Variants in CFAP95 observed in about 807,000 individuals in gnomAD.
The protein encoded by CFAP95 is cilia and flagella associated protein 95.
chr9:69,886,140 A>C, the CFAP95 span, among the ~76,000 whole-genome samples: 3 of 152,132 alleles, frequency 2.0e-5, no homozygotes, highest in African/African-American at 7.2e-5. Flanking sequence ...GCTGTTAGTC[A>C]CTGAGTAGCC....
chr9:69,823,239 G>A, the CFAP95 span, among the ~76,000 whole-genome samples: 2 of 151,356 alleles, frequency 1.3e-5, no homozygotes, highest in Non-Finnish European at 2.9e-5. Context: ...AATCTTTTGA[G>A]AACTCACTCA....
At chr9:69,869,966 A>G in the CFAP95 span, among the ~76,000 whole-genome samples, 1 of 152,186 alleles carries the variant, frequency 6.6e-6, no homozygotes, top group Non-Finnish European at 1.5e-5. Context: ...ATAGTAATGT[A>G]CTATGTATCT....
the CFAP95 span, among the ~76,000 whole-genome samples, chr9:69,832,619 G>GATT: frequency 7.1e-5 from 1 of 14,118 alleles, no homozygotes; most frequent in Non-Finnish European, 1.4e-4. Flanking sequence ...AGTCTATTCG[G>GATT]ATTTTTTTTT....
At chr9:69,873,718 T>A in the CFAP95 span, among the ~76,000 whole-genome samples, 1 of 152,234 alleles carries the variant, frequency 6.6e-6, no homozygotes, top group East Asian at 1.9e-4. Context: ...TCACATGCCC[T>A]TGTTCTGGCT....
chr9:69,892,946 G>C, the CFAP95 span, among the ~76,000 whole-genome samples: 3 of 152,070 alleles, frequency 2.0e-5, no homozygotes, highest in African/African-American at 7.2e-5. Flanking sequence ...CACCATCTTT[G>C]ATTTGTTTGT....
chr9:69,889,144 G>T, the CFAP95 span, among the ~76,000 whole-genome samples: 1 of 152,114 alleles, frequency 6.6e-6, no homozygotes, highest in Non-Finnish European at 1.5e-5. Context: ...TTGTGTGGAG[G>T]CCATAACAGT....
chr9:69,831,110 T>C, the CFAP95 span, among the ~76,000 whole-genome samples: 3 of 152,316 alleles, frequency 2.0e-5, no homozygotes, highest in Admixed American at 2.0e-4. Flanking sequence ...GAGAATTAAT[T>C]GCAGAAATAT....
chr9:69,874,932 C>G, the CFAP95 span, among the ~76,000 whole-genome samples: 1 of 152,182 alleles, frequency 6.6e-6, no homozygotes, highest in Non-Finnish European at 1.5e-5. Context: ...AGCTCTGCTT[C>G]CAGAACCAGG....
At chr9:69,887,619 G>C in the CFAP95 span, among the ~76,000 whole-genome samples, 1 of 152,174 alleles carries the variant, frequency 6.6e-6, no homozygotes, top group Non-Finnish European at 1.5e-5. Context: ...AGTGAGGAAA[G>C]TTTCACCAGG....
chr9:69,846,473 A>G, the CFAP95 span, among the ~76,000 whole-genome samples: 1 of 152,218 alleles, frequency 6.6e-6, no homozygotes, highest in Non-Finnish European at 1.5e-5. Flanking sequence ...TGGAACTGCT[A>G]TTCTCTATCT....
At chr9:69,824,346 C>T in the CFAP95 span, among the ~76,000 whole-genome samples, 1 of 152,174 alleles carries the variant, frequency 6.6e-6, no homozygotes. Flanking sequence ...TAAATTCACC[C>T]ACTTGCTACG....
the CFAP95 span, among the ~76,000 whole-genome samples, chr9:69,822,179 G>A: frequency 2.3e-4 from 35 of 152,118 alleles, no homozygotes; most frequent in African/African-American, 7.2e-4. Context: ...TGGGAGGGGC[G>A]TGAAGAAAAA....
the CFAP95 span, among the ~76,000 whole-genome samples, chr9:69,841,192 A>ATATATATATATATATG: frequency 6.4e-5 from 8 of 124,436 alleles, no homozygotes; most frequent in African/African-American, 2.0e-4. Flanking sequence ...ATATATATAT[A>ATATATATATATATATG]TATATTTCTG....
chr9:69,839,657 C>A, the CFAP95 span, among the ~76,000 whole-genome samples: 4 of 150,594 alleles, frequency 2.7e-5, no homozygotes, highest in African/African-American at 9.7e-5. Flanking sequence ...GAATTCCTGA[C>A]CTCAAGTGAT....
At chr9:69,850,692 A>G in the CFAP95 span, among the ~76,000 whole-genome samples, 3 of 152,220 alleles carry the variant, frequency 2.0e-5, no homozygotes, top group South Asian at 4.1e-4. Context: ...ATGTTTATAA[A>G]TGGAATATTT....
the CFAP95 span, among the ~76,000 whole-genome samples, chr9:69,833,206 A>C: frequency 6.6e-6 from 1 of 152,152 alleles, no homozygotes; most frequent in Non-Finnish European, 1.5e-5. Flanking sequence ...CTCGAGCCAC[A>C]GGCAACCACT....
the CFAP95 span, among the ~76,000 whole-genome samples, chr9:69,843,551 C>T: frequency 2.5e-3 from 42 of 16,938 alleles, 5 homozygotes; most frequent in Admixed American, 3.4e-3. Flanking sequence ...TCCTCCTCCT[C>T]CTCCTCCTTC....
chr9:69,843,557 C>CCTT, the CFAP95 span, among the ~76,000 whole-genome samples: 131 of 14,686 alleles, frequency 8.9e-3, 1 homozygote, highest in Middle Eastern at 0.071. Context: ...TCCTCCTCCT[C>CCTT]CTTCTTCTTC....
At chr9:69,821,122 GA>G in the CFAP95 span, 3 of 1,451,244 alleles carry the variant, frequency 2.1e-6, no homozygotes, top group Admixed American at 2.0e-5. Context: ...GAGTCAGAGA[GA>G]GGGGACAGGA....
Sources: allele counts gnomAD v4.1 joint callset (sites outside exome capture counted in the v4.1 genomes callset), GRCh38; gene constraint gnomAD v4.1.1; transcripts MANE v1.5; gene names NCBI Gene and HGNC (gene_info 2026-07-23, HGNC 2026-07-21).